The following UBTD1 variants were observed in gnomAD, a reference collection of about 807,000 sequenced individuals.
UBTD1 encodes the protein ubiquitin domain containing 1.
In UBTD1, 19 loss-of-function variants were observed where a neutral mutation model predicts 21.7. That is an observed-to-expected ratio of 0.87 (90% CI 0.61 to 1.28). The LOEUF (loss-of-function observed/expected upper bound fraction) is 1.28, where lower values mean the gene tolerates loss of function less well. Among genes scored for constraint, UBTD1 ranks in the 50% most tolerant of loss-of-function variants. The pLI is 0.00. For missense variants in UBTD1, 282 were observed against 315.1 expected, an observed-to-expected ratio of 0.89 and a Z score of 0.80; for synonymous variants, 116 against 135.1, an observed-to-expected ratio of 0.86 and a Z score of 0.98.
At chr10:97,536,287 C>T (rs112241359) in intron 1 of UBTD1, among the ~76,000 whole-genome samples, 10,832 of 152,118 alleles carry the variant, frequency 0.071, 415 homozygotes, top group Middle Eastern at 0.11. Flanking sequence ...CCACCACACC[C>T]GGCCAGGAGA....
intron 1 of UBTD1, among the ~76,000 whole-genome samples, chr10:97,542,746 T>C (rs977461423): frequency 6.6e-6 from 1 of 152,230 alleles, no homozygotes; most frequent in East Asian, 1.9e-4. Flanking sequence ...GCAGGGCAGC[T>C]GGGTTTCCCT....
At chr10:97,510,276 T>C (rs1358585923) in intron 1 of UBTD1, among the ~76,000 whole-genome samples, 1 of 152,276 alleles carries the variant, frequency 6.6e-6, no homozygotes, top group Non-Finnish European at 1.5e-5. Flanking sequence ...TGAATTTCCT[T>C]TGATTTGTAA....
intron 1 of UBTD1, among the ~76,000 whole-genome samples, chr10:97,540,234 G>C (rs1107517): frequency 0.57 from 86,105 of 152,104 alleles, 27,052 homozygotes; most frequent in Non-Finnish European, 0.73. Flanking sequence ...CAGCTAGACT[G>C]TACACAGAAT....
At position 97,560,590 on chromosome 10, in the gene UBTD1, G is replaced by A. The variant is rs183048440; in HGVS notation, c.71-7324G>A. On this transcript the variant is annotated intron_variant, in intron 1 of 2. Transcript: ENST00000370664. ...GGTGCCTTGGCTTACAGGTTACCTT[G>A]TGTCATACCTTTGAAACAAGGGACC... Among the ~76,000 whole-genome samples, 453 of 152,252 alleles carry A rather than the reference G, an allele frequency of 3.0e-3. 4 individuals carry two copies. Among genetic ancestry groups the A allele is most frequent in the African/African-American group, 0.01 (434 of 41,524 alleles).
chr10:97,552,216 T>C (rs2040641359), intron 1 of UBTD1, among the ~76,000 whole-genome samples: 1 of 151,820 alleles, frequency 6.6e-6, no homozygotes, highest in East Asian at 1.9e-4. Flanking sequence ...AAAAAAAATT[T>C]TTTTTAAATT....
rs7341998 is a variant in UBTD1 at position 97,524,700 on chromosome 10, G to T, written c.70+25427G>T. Among the ~76,000 whole-genome samples, 4 of 152,200 alleles carry T rather than the reference G, an allele frequency of 2.6e-5. No homozygotes were observed. In the South Asian group the frequency reaches 8.3e-4, roughly 32 times the overall value. On this transcript the variant is annotated intron_variant, in intron 1 of 2. Transcript: ENST00000370664. ...ATGTAATGGCCCTGATGTCCTCAAC[G>T]TGAACAGACCAAGTGAGGGGGCAGC...
At chr10:97,534,201 G>A (rs1056539529) in intron 1 of UBTD1, among the ~76,000 whole-genome samples, 2 of 152,130 alleles carry the variant, frequency 1.3e-5, no homozygotes, top group Non-Finnish European at 2.9e-5. Flanking sequence ...CCCTTCCCAG[G>A]AAACCAGAGC....
chr10:97,520,872 G>A (rs2040464235), intron 1 of UBTD1, among the ~76,000 whole-genome samples: 2 of 152,230 alleles, frequency 1.3e-5, no homozygotes, highest in South Asian at 4.1e-4. Context: ...CCAGGACACT[G>A]TCCGGAGCTG....
At chr10:97,514,519 C>T (rs10786353) in intron 1 of UBTD1, among the ~76,000 whole-genome samples, 78,766 of 151,944 alleles carry the variant, frequency 0.52, 21,804 homozygotes, top group East Asian at 0.86. Flanking sequence ...CTATATATAG[C>T]GGAGGACTAG....
intron 1 of UBTD1, among the ~76,000 whole-genome samples, chr10:97,565,043 T>G (rs2040710990): frequency 2.0e-5 from 3 of 152,352 alleles, no homozygotes; most frequent in Non-Finnish European, 2.9e-5. Flanking sequence ...CATGTAATGA[T>G]TGATGTCTTA....
At position 97,543,842 on chromosome 10, in the gene UBTD1, T is replaced by G. The variant is rs193204933; in HGVS notation, c.71-24072T>G. 1.6e-4 allele frequency among the ~76,000 whole-genome samples: 24 copies of G among 152,260 alleles called. No homozygotes were observed. The East Asian group carries it at 4.6e-3, about 29-fold the overall frequency. ...CTTTTCTACCTCCAGCCCGAACAGT[T>G]GTGGGCAGATTTGCTGTGGTGTTTG... On this transcript the variant is annotated intron_variant, in intron 1 of 2. Transcript: ENST00000370664.
At chr10:97,529,133 G>A (rs1356028486) in intron 1 of UBTD1, among the ~76,000 whole-genome samples, 14 of 151,256 alleles carry the variant, frequency 9.3e-5, no homozygotes, top group African/African-American at 3.2e-4. Flanking sequence ...ACGGGGCAGC[G>A]GGGCAGAGGC....
intron 1 of UBTD1, among the ~76,000 whole-genome samples, chr10:97,540,977 C>T (rs1015623944): frequency 1.3e-5 from 2 of 152,104 alleles, no homozygotes; most frequent in South Asian, 2.1e-4. Flanking sequence ...TTGTCAGCTG[C>T]GTGTGTGTCC....
intron 1 of UBTD1, among the ~76,000 whole-genome samples, chr10:97,505,663 TTG>T (rs571418150): frequency 1.2e-4 from 18 of 152,204 alleles, no homozygotes; most frequent in Non-Finnish European, 2.5e-4. Flanking sequence ...TCCTAGTTGT[TTG>T]TGTGACTTTG....
At chr10:97,558,378 C>T (rs1589882840) in intron 1 of UBTD1, among the ~76,000 whole-genome samples, 1 of 152,150 alleles carries the variant, frequency 6.6e-6, no homozygotes, top group East Asian at 1.9e-4. Context: ...TTAAAGTCAC[C>T]ACAGCCTGGG....
At chr10:97,509,888 T>G in intron 1 of UBTD1, among the ~76,000 whole-genome samples, 1 of 152,000 alleles carries the variant, frequency 6.6e-6, no homozygotes, top group East Asian at 1.9e-4. Flanking sequence ...CCTGACCTCG[T>G]GATCCACCCA....
intron 1 of UBTD1, among the ~76,000 whole-genome samples, chr10:97,529,630 A>G (rs914184016): frequency 6.6e-6 from 1 of 151,760 alleles, no homozygotes; most frequent in African/African-American, 2.4e-5. Context: ...TCAGGCGTGC[A>G]GGCACTCGGC....
intron 1 of UBTD1, among the ~76,000 whole-genome samples, chr10:97,553,647 AT>A (rs1160996079): frequency 6.6e-6 from 1 of 152,052 alleles, no homozygotes; most frequent in Non-Finnish European, 1.5e-5. Context: ...TGACCCACTG[AT>A]GAAGAGAGCC....
At chr10:97,532,829 T>G (rs1031013523) in intron 1 of UBTD1, among the ~76,000 whole-genome samples, 13 of 151,654 alleles carry the variant, frequency 8.6e-5, no homozygotes, top group Non-Finnish European at 1.3e-4. Context: ...AAAGCCTTGT[T>G]GGTCTTTGGT....
Sources: allele counts gnomAD v4.1 joint callset (sites outside exome capture counted in the v4.1 genomes callset), GRCh38; gene constraint gnomAD v4.1.1; transcripts MANE v1.5; gene names NCBI Gene and HGNC (gene_info 2026-07-23, HGNC 2026-07-21).